The following THSD4 variants were observed in gnomAD, a reference collection of about 807,000 sequenced individuals.
THSD4 encodes the protein thrombospondin type-1 domain-containing protein 4.
Under a neutral mutation model 119.0 loss-of-function variants are expected in THSD4, and 69 were observed. The observed-to-expected ratio is 0.58, with a 90% CI of 0.48 to 0.71. THSD4 has a LOEUF of 0.71. Among genes scored for constraint, THSD4 ranks in the 30% least tolerant of loss-of-function variants. The pLI is 0.00. For missense variants in THSD4, 1,393 were observed against 1,391.1 expected (o/e 1.00, Z -0.02); for synonymous variants, 524 against 540.4 (o/e 0.97, Z 0.42).
intron 7 of THSD4, among the ~76,000 whole-genome samples, chr15:71,630,847 A>G (rs772337280): frequency 5.9e-5 from 9 of 152,180 alleles, no homozygotes; most frequent in Non-Finnish European, 1.3e-4. Context: ...AGTGCACAGG[A>G]TGGCTCCTCA....
chr15:71,678,049 C>T (rs1181285308), intron 8 of THSD4, among the ~76,000 whole-genome samples: 1 of 152,196 alleles, frequency 6.6e-6, no homozygotes, highest in Admixed American at 6.5e-5. Flanking sequence ...GCTCCCAGGT[C>T]TCCTATCTGG....
chr15:71,592,155 G>C (rs1170022913), intron 7 of THSD4, among the ~76,000 whole-genome samples: 1 of 152,242 alleles, frequency 6.6e-6, no homozygotes, highest in Non-Finnish European at 1.5e-5. Flanking sequence ...CATTGAAAGA[G>C]AAAAGTACAC....
At chr15:71,706,064 T>C (rs1343768236) in intron 8 of THSD4, among the ~76,000 whole-genome samples, 2 of 152,114 alleles carry the variant, frequency 1.3e-5, no homozygotes, top group African/African-American at 4.8e-5. Flanking sequence ...ATTTCACATG[T>C]GAGGAAACTG....
chr15:71,225,542 TTTTTTTTTC>T (rs1365680534), intron 4 of THSD4, among the ~76,000 whole-genome samples: 28 of 91,678 alleles, frequency 3.1e-4, no homozygotes, highest in Middle Eastern at 4.6e-3. Flanking sequence ...TCTTTTTCTT[TTTTTTTTTC>T]TTTTTTTTTT....
intron 6 of THSD4, among the ~76,000 whole-genome samples, chr15:71,384,578 T>A (rs2046272259): frequency 6.6e-6 from 1 of 152,180 alleles, no homozygotes. Context: ...ATTAGTTGCT[T>A]CAGTTTTTTA....
intron 7 of THSD4, among the ~76,000 whole-genome samples, chr15:71,550,195 G>A (rs1454045070): frequency 2.6e-5 from 4 of 152,230 alleles, no homozygotes; most frequent in Non-Finnish European, 5.9e-5. Context: ...TGAGGCATTT[G>A]TCAGCGTGGG....
chr15:71,271,848 A>G (rs900313855), intron 6 of THSD4, among the ~76,000 whole-genome samples: 2 of 152,206 alleles, frequency 1.3e-5, no homozygotes, highest in Non-Finnish European at 2.9e-5. Flanking sequence ...AGGAGAAAAC[A>G]TAGGAGAAAC....
At chr15:71,387,089 C>A (rs1328512356) in intron 6 of THSD4, among the ~76,000 whole-genome samples, 3 of 151,960 alleles carry the variant, frequency 2.0e-5, no homozygotes, top group Non-Finnish European at 4.4e-5. Context: ...AAGTTGTTTT[C>A]AGTTTGCTTG....
At chr15:71,457,556 A>G (rs968096547) in intron 7 of THSD4, among the ~76,000 whole-genome samples, 3 of 151,826 alleles carry the variant, frequency 2.0e-5, no homozygotes, top group African/African-American at 4.8e-5. Flanking sequence ...CCTCCCACCT[A>G]CCATTCCCAC....
Position 71,369,412 on chromosome 15 carries a change from G to A in THSD4, c.1016-42275G>A, listed in dbSNP as rs1360946566. Among the ~76,000 whole-genome samples, 5 of 152,322 alleles carry A rather than the reference G, an allele frequency of 3.3e-5. No individual in the cohort carries two copies. The East Asian group carries it at 9.6e-4, about 29-fold the overall frequency. On this transcript the variant is annotated intron_variant, in intron 6 of 17. Transcript: ENST00000261862. Reference sequence around the variant, plus strand: ...TTGCCCATTCAGTCTGATATTGGCTGTGGGATTGTCATGGATAGCTCTTAT... The same window carrying A: ...TTGCCCATTCAGTCTGATATTGGCTATGGGATTGTCATGGATAGCTCTTAT...
intron 7 of THSD4, among the ~76,000 whole-genome samples, chr15:71,544,821 A>G (rs1050628841): frequency 6.6e-6 from 1 of 152,228 alleles, no homozygotes; most frequent in Admixed American, 6.5e-5. Flanking sequence ...ATATTGCTTA[A>G]CCTTAAAAAG....
At position 71,124,741 on chromosome 15, in the gene THSD4, T is replaced by G. The variant is rs1407162949; in HGVS notation, c.-80+9043T>G. On this transcript the variant is annotated intron_variant, in intron 1 of 17. Transcript: ENST00000261862. The stretch of plus-strand genomic sequence containing the variant: ...ATATTGTTATTGTCATTCTATTTCG[T>G]GACTTAAATTGTGTACCCTGGCTAG... 5.3e-5 allele frequency among the ~76,000 whole-genome samples: 8 copies of G among 152,336 alleles called. No homozygotes were observed. The East Asian group carries it at 1.5e-3, about 29-fold the overall frequency.
At chr15:71,200,013 C>A (rs1252914638) in intron 3 of THSD4, among the ~76,000 whole-genome samples, 2 of 136,326 alleles carry the variant, frequency 1.5e-5, no homozygotes, top group Non-Finnish European at 3.3e-5. Context: ...GTTCTAGAAG[C>A]AGCCACAGTC....
At chr15:71,258,443 T>C (rs2044347152) in intron 6 of THSD4, among the ~76,000 whole-genome samples, 1 of 152,204 alleles carries the variant, frequency 6.6e-6, no homozygotes. Flanking sequence ...CCTCCCAAAG[T>C]ACTGGGATTA....
At chr15:71,592,569 G>A (rs1039774371) in intron 7 of THSD4, among the ~76,000 whole-genome samples, 1 of 152,016 alleles carries the variant, frequency 6.6e-6, no homozygotes, top group Non-Finnish European at 1.5e-5. Context: ...TGTTCTATAC[G>A]TGGTGATCGG....
Position 71,421,158 on chromosome 15 carries a change from CAAAAAAAAAAAAAAAA to C in THSD4, c.1152+9350_1152+9365del, listed in dbSNP as rs769831708. ...TGGGTGATGGAGTGAGACTCCGTCT[CAAAAAAAAAAAAAAAA>C]AAAAAAAAAAAAAAGGAGTAGTTTA... On this transcript the variant is annotated intron_variant, in intron 7 of 17. Coordinates refer to ENST00000261862, the MANE Select transcript of THSD4 (RefSeq NM_024817.3). Among the ~76,000 whole-genome samples the C allele has an allele frequency of 4.3e-4, 8 of 18,780 alleles. 3 individuals carry two copies. The highest frequency in any genetic ancestry group is 1.5e-3 in the African/African-American group (8 of 5,466). The allele number at this position is 18,780 out of a possible 152,430, so 12.3% of individuals were successfully genotyped here. A position where few individuals can be genotyped will look rare whatever the true frequency, so the allele number is the denominator to read the frequency against.
chr15:71,556,695 G>A (rs1285009216), intron 7 of THSD4, among the ~76,000 whole-genome samples: 1 of 151,544 alleles, frequency 6.6e-6, no homozygotes, highest in Non-Finnish European at 1.5e-5. Context: ...ACACAGGGAG[G>A]CTGACGCTGC....
chr15:71,166,273 C>T (rs766190457), intron 3 of THSD4, among the ~76,000 whole-genome samples: 30 of 152,116 alleles, frequency 2.0e-4, no homozygotes, highest in Non-Finnish European at 3.1e-4. Context: ...ACTGGAATGA[C>T]GGTGGAACCT....
rs934253067 is a variant in THSD4 at position 71,728,513 on chromosome 15, G to A, written c.1358-36G>A. On this transcript the variant is annotated intron_variant, in intron 8 of 17. Transcript: ENST00000261862. ...AGTTCTGTTTCTTGTGCACACCCTG[G>A]GCTTACCCAAAGAACTGTCTGATTT... is the stretch of plus-strand genomic sequence containing the variant. The A allele has an allele frequency of 4.4e-6, 7 of 1,609,088 alleles. No individual in the cohort carries two copies. The Admixed American group carries it at 1.2e-4, about 27-fold the overall frequency.
Sources: gnomAD v4.1 joint callset for allele counts (sites outside exome capture counted in the v4.1 genomes callset) on GRCh38, gnomAD v4.1.1 for gene constraint, MANE v1.5 for transcripts, NCBI Gene and HGNC (gene_info 2026-07-23, HGNC 2026-07-21) for gene names.